The following LCORL variants were observed in gnomAD, a reference collection of about 807,000 sequenced individuals.
The protein encoded by LCORL is ligand dependent nuclear receptor corepressor like.
Under a neutral mutation model 141.8 loss-of-function variants are expected in LCORL, and 41 were observed. That is an observed-to-expected ratio of 0.29 (90% CI 0.23 to 0.38). LCORL has a LOEUF of 0.38. LCORL is among the 10% of genes least tolerant of loss of function. LCORL has a pLI of 1.00. For missense variants in LCORL, 1,759 were observed against 2,035.0 expected (o/e 0.86, Z 2.61); for synonymous variants, 618 against 694.1 (o/e 0.89, Z 1.72).
At chr4:17,935,944 A>G (rs992178013) in intron 4 of LCORL, among the ~76,000 whole-genome samples, 9 of 152,332 alleles carry the variant, frequency 5.9e-5, no homozygotes, top group Middle Eastern at 3.4e-3. Flanking sequence ...TATATTACAC[A>G]TTACTGGGTA....
chr4:17,902,845 C>G (rs538509637), intron 5 of LCORL, among the ~76,000 whole-genome samples: 3 of 151,824 alleles, frequency 2.0e-5, no homozygotes, highest in Admixed American at 2.0e-4. Flanking sequence ...AAAGTTGACC[C>G]TACTGATAAC....
chr4:17,906,674 T>C (rs1167830742), intron 5 of LCORL, among the ~76,000 whole-genome samples: 2 of 151,264 alleles, frequency 1.3e-5, no homozygotes, highest in East Asian at 3.9e-4. Context: ...ACTGGAAATT[T>C]ACTTTTAAAA....
At chr4:18,003,362 A>G (rs1375439877) in intron 1 of LCORL, among the ~76,000 whole-genome samples, 1 of 152,226 alleles carries the variant, frequency 6.6e-6, no homozygotes, top group Admixed American at 6.5e-5. Flanking sequence ...ATTTGAAAAC[A>G]TAATTGGTGG....
exon 5 of LCORL, chr4:17,909,311 T>G: frequency 6.2e-7 from 1 of 1,608,176 alleles, no homozygotes; most frequent in Non-Finnish European, 8.5e-7. Context: ...CCTGAGCAAC[T>G]AGGGGAATGT....
Position 17,994,500 on chromosome 4 carries a change from A to G in LCORL, c.155-21615T>C, listed in dbSNP as rs189586906. 6.6e-5 allele frequency among the ~76,000 whole-genome samples: 10 copies of G among 152,314 alleles called. No homozygotes were observed. In the East Asian group the frequency reaches 1.9e-3, roughly 29 times the overall value. On this transcript the variant is annotated intron_variant, in intron 1 of 7. Transcript: ENST00000635767. The stretch of plus-strand genomic sequence containing the variant: ...TCATTCTTAAAAATTGTAGTTTAAG[A>G]ATCACTGCCTCAATTTAAAGTTTCA...
Position 17,877,177 on chromosome 4 carries a change from G to A in LCORL, c.1813C>T (p.Arg605Ter), listed in dbSNP as rs961520000. The change falls in exon 7 of 8, where the codon CGA (arginine) becomes TGA (stop). Residue 605 changes from arginine to a stop codon, truncating the protein, a stop_gained. Transcript: ENST00000635767. LOFTEE classifies it high-confidence loss of function. ...GCAAATAAAGTTTCTTGACGCTTTC[G>A]AAATCTTGTCTGAATAATTTTATTT... 8.1e-7 allele frequency: 1 copy of A among 1,230,398 alleles called. No individual in the cohort carries two copies. The highest frequency in any genetic ancestry group is 1.0e-6 in the Non-Finnish European group (1 of 986,852). The allele number at this position is 1,230,398 out of a possible 1,614,324, so 76.2% of individuals were successfully genotyped here.
chr4:17,958,762 A>G (rs1012021117), intron 4 of LCORL, among the ~76,000 whole-genome samples: 1 of 151,974 alleles, frequency 6.6e-6, no homozygotes, highest in African/African-American at 2.4e-5. Context: ...TTATCTTAGT[A>G]TTCATTTATT....
At chr4:18,017,025 T>C (rs901806245) in intron 1 of LCORL, among the ~76,000 whole-genome samples, 7 of 152,130 alleles carry the variant, frequency 4.6e-5, no homozygotes, top group Non-Finnish European at 7.4e-5. Context: ...ATGCCACAGC[T>C]TGGACAGATA....
chr4:17,945,309 C>T (rs1235308063), intron 4 of LCORL, among the ~76,000 whole-genome samples: 1 of 151,396 alleles, frequency 6.6e-6, no homozygotes, highest in Non-Finnish European at 1.5e-5. Context: ...AGAATACAAA[C>T]AAAAAATATC....
intron 4 of LCORL, among the ~76,000 whole-genome samples, chr4:17,958,293 A>G (rs889560919): frequency 6.6e-6 from 1 of 151,916 alleles, no homozygotes; most frequent in African/African-American, 2.4e-5. Context: ...TAAAAAAAAA[A>G]GCAGGAAAAA....
At chr4:17,878,868 G>C (rs888799544) in intron 6 of LCORL, among the ~76,000 whole-genome samples, 3 of 151,204 alleles carry the variant, frequency 2.0e-5, no homozygotes, top group African/African-American at 7.3e-5. Flanking sequence ...TCAAATGCTG[G>C]AAAATGGCCC....
chr4:17,976,230 G>A (rs1716933914), intron 1 of LCORL, among the ~76,000 whole-genome samples: 2 of 152,036 alleles, frequency 1.3e-5, no homozygotes, highest in Non-Finnish European at 2.9e-5. Flanking sequence ...GTTTTTTGAG[G>A]ACAGTGTTTT....
intron 7 of LCORL, among the ~76,000 whole-genome samples, chr4:17,856,779 A>G (rs908935492): frequency 1.3e-5 from 2 of 152,124 alleles, no homozygotes; most frequent in East Asian, 1.9e-4. Flanking sequence ...TCAGTCATCA[A>G]TGATAGCCTA....
At chr4:17,910,018 C>A (rs1308572395) in intron 4 of LCORL, among the ~76,000 whole-genome samples, 1 of 152,120 alleles carries the variant, frequency 6.6e-6, no homozygotes, top group Admixed American at 6.5e-5. Context: ...AGAATAATTA[C>A]AATTTACTTC....
chr4:17,881,437 T>G (rs1727563151), intron 6 of LCORL: 5 of 916,790 alleles, frequency 5.5e-6, no homozygotes, highest in South Asian at 1.0e-4. Context: ...CTTTTAAAAG[T>G]TATGGGTTGA....
At chr4:17,877,825 T>C in exon 7 of LCORL, 4 of 1,230,690 alleles carry the variant, frequency 3.3e-6, no homozygotes, top group Non-Finnish European at 4.1e-6. Context: ...CTGTCTGCAA[T>C]TCCTCTATTC....
chr4:18,001,061 T>C (rs1721873671), intron 1 of LCORL, among the ~76,000 whole-genome samples: 1 of 152,168 alleles, frequency 6.6e-6, no homozygotes, highest in South Asian at 2.1e-4. Flanking sequence ...ATCCCAGCAC[T>C]TTGGGAGGCC....
intron 6 of LCORL, chr4:17,880,549 AT>A (rs1470106955): frequency 1.0e-6 from 1 of 958,820 alleles, no homozygotes; most frequent in Non-Finnish European, 1.2e-6. Flanking sequence ...AGAATACTAT[AT>A]TTAATAAAAC....
At chr4:17,895,041 TAA>T (rs200678764) in intron 5 of LCORL, among the ~76,000 whole-genome samples, 5 of 149,602 alleles carry the variant, frequency 3.3e-5, no homozygotes, top group East Asian at 1.9e-4. Context: ...ATAATATATA[TAA>T]AAAAAGTTTT....
Sources: allele counts gnomAD v4.1 joint callset (sites outside exome capture counted in the v4.1 genomes callset), GRCh38; gene constraint gnomAD v4.1.1; transcripts MANE v1.5; gene names NCBI Gene and HGNC (gene_info 2026-07-23, HGNC 2026-07-21).